Variants in OSBP2 observed in about 807,000 individuals in gnomAD.
OSBP2 encodes the protein oxysterol-binding protein 2.
OSBP2 carries 66 observed loss-of-function variants against 96.0 expected under a neutral mutation model. The ratio of observed to expected loss-of-function variants is 0.69; its 90% CI spans 0.56 to 0.84. The LOEUF (loss-of-function observed/expected upper bound fraction) is 0.84. Ranked by LOEUF, OSBP2 falls within the 40% of genes least tolerant of loss-of-function variation. OSBP2 has a pLI of 0.00. For synonymous variants in OSBP2, 525 were observed against 520.9 expected (o/e 1.01, Z -0.11); for missense variants, 1,038 against 1,222.7 (o/e 0.85, Z 2.25).
intron 2 of OSBP2, among the ~76,000 whole-genome samples, chr22:30,854,589 G>A (rs534049476): frequency 1.3e-5 from 2 of 150,618 alleles, no homozygotes; most frequent in Admixed American, 1.3e-4. Context: ...GATTACAGGT[G>A]TGAGCCAACA....
chr22:30,728,630 G>C (rs1159297648), intron 1 of OSBP2, among the ~76,000 whole-genome samples: 2 of 151,996 alleles, frequency 1.3e-5, no homozygotes, highest in African/African-American at 4.8e-5. Flanking sequence ...CCAAGTAGCT[G>C]GGTCTACAGG....
chr22:30,694,788 G>A (rs1373151752), upstream of OSBP2: 5 of 587,256 alleles, frequency 8.5e-6, no homozygotes, highest in East Asian at 2.9e-4. Context: ...GCACGGGACC[G>A]CGGAGGAACC....
chr22:30,749,760 A>G (rs1314965258), intron 2 of OSBP2, among the ~76,000 whole-genome samples: 2 of 152,122 alleles, frequency 1.3e-5, no homozygotes, highest in Non-Finnish European at 2.9e-5. Context: ...GGCATGCGCC[A>G]CCATGCCTGG....
chr22:30,885,194 G>A (rs2039784694), intron 3 of OSBP2, among the ~76,000 whole-genome samples: 1 of 152,212 alleles, frequency 6.6e-6, no homozygotes. Flanking sequence ...GATGTGCATG[G>A]AGCTCAGTGG....
intron 2 of OSBP2, among the ~76,000 whole-genome samples, chr22:30,797,368 C>T (rs996694953): frequency 1.4e-4 from 21 of 147,022 alleles, no homozygotes; most frequent in African/African-American, 5.0e-4. Context: ...CTGCAAACTC[C>T]GCCTCCTGGC....
chr22:30,831,268 A>G (rs1026923280), intron 2 of OSBP2, among the ~76,000 whole-genome samples: 1 of 152,200 alleles, frequency 6.6e-6, no homozygotes, highest in African/African-American at 2.4e-5. Context: ...TTTGGCCAGT[A>G]TAATGTGCCT....
chr22:30,800,014 G>A (rs192041899), intron 2 of OSBP2, among the ~76,000 whole-genome samples: 1 of 152,340 alleles, frequency 6.6e-6, no homozygotes, highest in Admixed American at 6.5e-5. Flanking sequence ...CCTGGGCTAG[G>A]CTACCGTCCC....
At chr22:30,792,617 A>G (rs1256730338) in intron 2 of OSBP2, among the ~76,000 whole-genome samples, 1 of 152,218 alleles carries the variant, frequency 6.6e-6, no homozygotes, top group Non-Finnish European at 1.5e-5. Context: ...GAATAGAAGT[A>G]ATATTCTCAA....
intron 2 of OSBP2, among the ~76,000 whole-genome samples, chr22:30,782,235 A>C (rs1314396009): frequency 6.6e-6 from 1 of 152,204 alleles, no homozygotes; most frequent in African/African-American, 2.4e-5. Context: ...TGAAACCATC[A>C]CCACAATCAA....
At chr22:30,850,327 A>C (rs2038955924) in intron 2 of OSBP2, among the ~76,000 whole-genome samples, 6 of 150,324 alleles carry the variant, frequency 4.0e-5, no homozygotes, top group Admixed American at 4.0e-4. Flanking sequence ...AAAAAAATTC[A>C]GTTGATCACA....
At position 30,889,498 on chromosome 22, in the gene OSBP2, T is replaced by G. The variant is rs755680918; in HGVS notation, c.1485T>G (p.Asp495Glu). ...VDWSSADNVL[D>E]GASLVPKGSS... Reference sequence around the variant, plus strand: ...CCCCACTTATGTGGCAGGTACTAGATGGTGCCTCGCTCGTGCCCAAGGGTT... The same window carrying G: ...CCCCACTTATGTGGCAGGTACTAGAGGGTGCCTCGCTCGTGCCCAAGGGTT... The change falls in exon 7 of 14, where the codon GAT becomes GAG. Residue 495 changes from aspartate (D) to glutamate (E), a missense_variant. By Grantham distance (45) the Asp-to-Glu change is conservative (BLOSUM62 2). Transcript: ENST00000332585. 1.9e-6 allele frequency: 3 copies of G among 1,613,902 alleles called. No homozygotes were observed. The African/African-American group carries it at 4.0e-5, about 22-fold the overall frequency.
Position 30,730,804 on chromosome 22 carries a change from ATATAATTT to A in OSBP2, c.645-10355_645-10348del, listed in dbSNP as rs2089761013. On this transcript the variant is annotated intron_variant, in intron 1 of 13. Coordinates refer to ENST00000332585, the MANE Select transcript of OSBP2 (RefSeq NM_030758.4). ...TATATATATATATATATATATATATATATAATTTTTTTTTTTTTTCCCATGGACATTTT... is the reference window on the plus strand; with the variant it reads ...TATATATATATATATATATATATATATTTTTTTTTTTCCCATGGACATTTT... 4.3e-4 allele frequency among the ~76,000 whole-genome samples: 20 copies of A among 46,294 alleles called. 4 individuals carry two copies. The highest frequency in any genetic ancestry group is 2.0e-3 in the African/African-American group (17 of 8,414). 30.4% of individuals were successfully genotyped at this position (46,294 alleles called of 152,430 possible).
intron 2 of OSBP2, among the ~76,000 whole-genome samples, chr22:30,793,622 C>CA (rs1417947508): frequency 5.9e-5 from 9 of 151,658 alleles, no homozygotes; most frequent in African/African-American, 1.9e-4. Context: ...CCCATCTCTG[C>CA]AAAAAAATAC....
At chr22:30,889,913 G>A (rs1018186939) in intron 7 of OSBP2, among the ~76,000 whole-genome samples, 9 of 152,178 alleles carry the variant, frequency 5.9e-5, no homozygotes, top group Non-Finnish European at 1.0e-4. Flanking sequence ...GGATCTCACA[G>A]GACCTTACCA....
chr22:30,710,476 A>G (rs893068514), intron 1 of OSBP2, among the ~76,000 whole-genome samples: 2 of 152,068 alleles, frequency 1.3e-5, no homozygotes, highest in African/African-American at 4.8e-5. Context: ...CCATGTCTTT[A>G]GTTAGTGGAA....
chr22:30,870,379 GGTAC>G lies in OSBP2; in HGVS notation c.854-49_854-46del. Reference sequence around the variant, plus strand: ...CTCGGCCTGGCTGTGCAGGCCTCTTGGTACCACGTCTGTTCGTAATGACCGTAAC... The same window carrying G: ...CTCGGCCTGGCTGTGCAGGCCTCTTGCACGTCTGTTCGTAATGACCGTAAC... On this transcript the variant is annotated intron_variant, in intron 2 of 13. Coordinates refer to ENST00000332585, the MANE Select transcript of OSBP2 (RefSeq NM_030758.4). This position sits in a 1 kb window ranked among gnomAD's most constrained non-coding sequence, Gnocchi z 4.1. 6.3e-7 allele frequency: 1 copy of G among 1,598,304 alleles called. No individual in the cohort carries two copies. Among genetic ancestry groups the G allele is most frequent in the Non-Finnish European group, 8.5e-7 (1 of 1,172,260 alleles).
chr22:30,719,185 C>T (rs2089507500), intron 1 of OSBP2, among the ~76,000 whole-genome samples: 1 of 152,026 alleles, frequency 6.6e-6, no homozygotes. Context: ...CTTCAGGCTG[C>T]TGCCCTCCTC....
At chr22:30,820,366 G>T (rs574665600) in intron 2 of OSBP2, among the ~76,000 whole-genome samples, 57 of 151,638 alleles carry the variant, frequency 3.8e-4, no homozygotes, top group Non-Finnish European at 6.8e-4. Context: ...TTGAGTCTGG[G>T]TGACAGAGTA....
At chr22:30,867,171 C>T (rs938558915) in intron 2 of OSBP2, among the ~76,000 whole-genome samples, 3 of 152,162 alleles carry the variant, frequency 2.0e-5, no homozygotes, top group African/African-American at 7.2e-5. Context: ...CTGCCCAAGC[C>T]CACCCCTTCC....
Sources: gnomAD v4.1 joint callset for allele counts (sites outside exome capture counted in the v4.1 genomes callset) on GRCh38, gnomAD v4.1.1 for gene constraint, Gnocchi (gnomAD v3.1) non-coding constraint, MANE v1.5 for transcripts, NCBI Gene and HGNC (gene_info 2026-07-23, HGNC 2026-07-21) for gene names.